AHCYL2: variants seen among roughly 807,000 people sequenced by gnomAD.
AHCYL2 encodes the protein S-adenosylhomocysteine hydrolase-like protein 2.
Under a neutral mutation model 81.4 loss-of-function variants are expected in AHCYL2, and 28 were observed. The observed-to-expected ratio is 0.34, with a 90% CI of 0.25 to 0.47. The LOEUF is 0.47. AHCYL2 is among the 20% of genes least tolerant of loss of function. The pLI is 1.00. For synonymous variants in AHCYL2, 272 were observed against 290.2 expected (o/e 0.94, Z 0.64); for missense variants, 551 against 785.1 (o/e 0.70, Z 3.56).
intron 1 of AHCYL2, among the ~76,000 whole-genome samples, chr7:129,277,288 T>G (rs1380734339): frequency 2.6e-5 from 4 of 151,552 alleles, no homozygotes; most frequent in African/African-American, 9.7e-5. Context: ...CTTTTTTTTT[T>G]TTTTTTTTGA....
chr7:129,372,384 T>C (rs1794451631), intron 1 of AHCYL2, among the ~76,000 whole-genome samples: 1 of 152,216 alleles, frequency 6.6e-6, no homozygotes, highest in South Asian at 2.1e-4. Flanking sequence ...CTCTTTAGGA[T>C]AAATAGATCT....
intron 1 of AHCYL2, among the ~76,000 whole-genome samples, chr7:129,230,863 G>T (rs769628046): frequency 3.3e-5 from 5 of 152,094 alleles, no homozygotes; most frequent in Non-Finnish European, 7.4e-5. Flanking sequence ...CAGCCACCAC[G>T]CCTGGCCCTA....
At chr7:129,327,121 C>G (rs763466553) in intron 1 of AHCYL2, among the ~76,000 whole-genome samples, 2 of 152,098 alleles carry the variant, frequency 1.3e-5, no homozygotes, top group Non-Finnish European at 2.9e-5. Context: ...ATGTTGAAGC[C>G]CTAATTCCCA....
chr7:129,373,492 C>T lies in AHCYL2; in HGVS notation c.364-6146C>T, dbSNP rs550088948. Among the ~76,000 whole-genome samples the T allele has an allele frequency of 1.1e-3, 170 of 151,860 alleles. 1 individual carries two copies. Among genetic ancestry groups the T allele is most frequent in the African/African-American group, 3.8e-3 (159 of 41,438 alleles). On this transcript the variant is annotated intron_variant, in intron 1 of 16. Transcript: ENST00000325006. ...GCATGCGCCTGTAGTCCCAGCTACT[C>T]GGGAGACTGAGGCAGGAGAATCACT...
rs140243231 is a variant in AHCYL2, at chr7:129,340,099, T to G, written c.364-39539T>G. On this transcript the variant is annotated intron_variant, in intron 1 of 16. Coordinates refer to ENST00000325006, the MANE Select transcript of AHCYL2 (RefSeq NM_015328.4). Reference sequence around the variant, plus strand: ...ACGCTTGGCTTATTTTTTGTATTTTTTTTTAGTAGAGGCAGGGTTTCACCG... The same window carrying G: ...ACGCTTGGCTTATTTTTTGTATTTTGTTTTAGTAGAGGCAGGGTTTCACCG... Among the ~76,000 whole-genome samples, 185 of 149,614 alleles carry G rather than the reference T, an allele frequency of 1.2e-3. 4 individuals are homozygous for G. The East Asian group carries it at 0.034, about 28-fold the overall frequency.
intron 1 of AHCYL2, among the ~76,000 whole-genome samples, chr7:129,378,792 T>C (rs1794811418): frequency 6.6e-6 from 1 of 152,222 alleles, no homozygotes; most frequent in South Asian, 2.1e-4. Context: ...TTCTTTCTTG[T>C]ACCTTGCAAT....
chr7:129,379,513 C>A, intron 1 of AHCYL2, 125 bp from the exon 2 acceptor site: 3 of 676,836 alleles, frequency 4.4e-6, no homozygotes, highest in Non-Finnish European at 7.4e-6. Flanking sequence ...TCTTAATATC[C>A]CAAACATAGG....
intron 1 of AHCYL2, among the ~76,000 whole-genome samples, chr7:129,262,457 G>A (rs1322919178): frequency 6.6e-6 from 1 of 152,202 alleles, no homozygotes; most frequent in Non-Finnish European, 1.5e-5. Context: ...GGCCTCAAAA[G>A]GTGAAGCAGA....
chr7:129,405,606 T>G, intron 8 of AHCYL2: 1 of 444,986 alleles, frequency 2.2e-6, no homozygotes, highest in Non-Finnish European at 3.9e-6. Flanking sequence ...GTCTGGTCAT[T>G]AGTTTCTCTA....
intron 1 of AHCYL2, among the ~76,000 whole-genome samples, chr7:129,310,342 A>G (rs1437672414): frequency 6.6e-6 from 1 of 152,192 alleles, no homozygotes. Flanking sequence ...AAGATCACCA[A>G]GGATCTCCTG....
At chr7:129,243,493 C>T (rs1232289859) in intron 1 of AHCYL2, among the ~76,000 whole-genome samples, 2 of 151,934 alleles carry the variant, frequency 1.3e-5, no homozygotes, top group African/African-American at 4.8e-5. Context: ...GAAACTTGTA[C>T]CTATCCTGGG....
At chr7:129,275,333 C>T (rs1796163852) in intron 1 of AHCYL2, among the ~76,000 whole-genome samples, 1 of 152,066 alleles carries the variant, frequency 6.6e-6, no homozygotes, top group Admixed American at 6.6e-5. Context: ...ACCCGGGAGG[C>T]AGAGGTTGCA....
chr7:129,308,004 A>G (rs1169226179), intron 1 of AHCYL2, among the ~76,000 whole-genome samples: 2 of 151,750 alleles, frequency 1.3e-5, no homozygotes, highest in East Asian at 3.9e-4. Flanking sequence ...CCTCAAGCAG[A>G]AGAAAGGGGT....
intron 1 of AHCYL2, among the ~76,000 whole-genome samples, chr7:129,257,459 G>C (rs1410271381): frequency 6.6e-6 from 1 of 152,070 alleles, no homozygotes; most frequent in Non-Finnish European, 1.5e-5. Flanking sequence ...AAGAGAATGA[G>C]GGGTGGAGGG....
At chr7:129,305,910 T>TCATG (rs1797423703) in intron 1 of AHCYL2, among the ~76,000 whole-genome samples, 1 of 152,230 alleles carries the variant, frequency 6.6e-6, no homozygotes. Flanking sequence ...TTTAAATATG[T>TCATG]CATGCCACTC....
At chr7:129,349,651 C>A (rs1253721855) in intron 1 of AHCYL2, among the ~76,000 whole-genome samples, 1,564 of 85,286 alleles carry the variant, frequency 0.018, no homozygotes, top group African/African-American at 0.029. Flanking sequence ...GACTCTGTTT[C>A]AAAAAAAAAA....
At chr7:129,398,360 T>C (rs1795847315) in intron 5 of AHCYL2, among the ~76,000 whole-genome samples, 1 of 140,716 alleles carries the variant, frequency 7.1e-6, no homozygotes, top group Non-Finnish European at 1.6e-5. Context: ...TTTTTATTTT[T>C]TATTTTTATT....
At chr7:129,326,814 G>A (rs1359354958) in intron 1 of AHCYL2, among the ~76,000 whole-genome samples, 4 of 152,198 alleles carry the variant, frequency 2.6e-5, no homozygotes, top group Non-Finnish European at 2.9e-5. Flanking sequence ...TAGTGAGAAA[G>A]AGAGTCTGTC....
At chr7:129,371,078 T>G in intron 1 of AHCYL2, among the ~76,000 whole-genome samples, 1 of 152,212 alleles carries the variant, frequency 6.6e-6, no homozygotes, top group Non-Finnish European at 1.5e-5. Flanking sequence ...TTGTAAAATG[T>G]TAAAGTGTCT....
Sources: allele counts gnomAD v4.1 joint callset (sites outside exome capture counted in the v4.1 genomes callset), GRCh38; gene constraint gnomAD v4.1.1; transcripts MANE v1.5; gene names NCBI Gene and HGNC (gene_info 2026-07-23, HGNC 2026-07-21).